The following BAIAP2L1 variants were observed in gnomAD, a reference collection of about 807,000 sequenced individuals.
The protein encoded by BAIAP2L1 is BAR/IMD domain-containing adapter protein 2-like 1.
A neutral mutation model predicts 66.3 loss-of-function variants in BAIAP2L1; 35 were observed. The observed-to-expected ratio is 0.53, with a 90% confidence interval of 0.40 to 0.70. BAIAP2L1 has a LOEUF of 0.70. Ranked by LOEUF, BAIAP2L1 falls within the 30% of genes least tolerant of loss-of-function variation. The probability of loss-of-function intolerance (pLI) is 0.00; values close to 1 mark genes in which losing one functional copy is unlikely to be tolerated. For synonymous variants in BAIAP2L1, 269 were observed against 248.7 expected (o/e 1.08, Z -0.77); for missense variants, 622 against 656.9 (o/e 0.95, Z 0.58).
chr7:98,391,304 T>C (rs984650870), intron 1 of BAIAP2L1, among the ~76,000 whole-genome samples: 3 of 152,182 alleles, frequency 2.0e-5, no homozygotes, highest in Non-Finnish European at 4.4e-5. Flanking sequence ...TATTTTTTCT[T>C]CTATTTTTTA....
At chr7:98,399,804 C>G (rs1004277300) in intron 1 of BAIAP2L1, among the ~76,000 whole-genome samples, 4 of 152,130 alleles carry the variant, frequency 2.6e-5, no homozygotes, top group African/African-American at 7.2e-5. Context: ...GTTAAGAGAC[C>G]GGCTATCAAC....
chr7:98,385,568 T>C (rs1021959410), intron 1 of BAIAP2L1, among the ~76,000 whole-genome samples: 2 of 151,586 alleles, frequency 1.3e-5, no homozygotes, highest in Non-Finnish European at 2.9e-5. Context: ...CACGCCCCCA[T>C]GCCCAGTTAA....
intron 3 of BAIAP2L1, among the ~76,000 whole-genome samples, chr7:98,328,898 G>A (rs527839778): frequency 3.3e-5 from 5 of 152,128 alleles, no homozygotes; most frequent in East Asian, 3.9e-4. Context: ...CCCCAGTCCC[G>A]GAGTCCTCAA....
rs924542491 is a variant in BAIAP2L1, at chr7:98,388,905, T to C, written c.51+11897A>G. On this transcript the variant is annotated intron_variant, in intron 1 of 13. Coordinates refer to ENST00000005260, the MANE Select transcript of BAIAP2L1 (RefSeq NM_018842.5). ...AGGAGGAACGCTTTAGCCTGGGACG[T>C]TGAGGCTGCAGTGAGCCATGATCAC... 3.3e-5 allele frequency among the ~76,000 whole-genome samples: 5 copies of C among 151,894 alleles called. No homozygotes were observed. The East Asian group carries it at 7.8e-4, about 24-fold the overall frequency.
At chr7:98,369,773 G>A (rs754997581) in intron 1 of BAIAP2L1, among the ~76,000 whole-genome samples, 17 of 145,058 alleles carry the variant, frequency 1.2e-4, no homozygotes, top group Admixed American at 2.9e-4. Flanking sequence ...CTGGGTTCAC[G>A]CAACTCTTGT....
Position 98,393,116 on chromosome 7 carries a change from C to CGT in BAIAP2L1, c.51+7685_51+7686insAC, listed in dbSNP as rs1562795936. ...ATATATACGTGTACATATATGTACACATATATGTATATATACACACATATG... is the reference window on the plus strand; with the variant it reads ...ATATATACGTGTACATATATGTACACGTATATATGTATATATACACACATATG... On this transcript the variant is annotated intron_variant, in intron 1 of 13. Transcript: ENST00000005260. Among the ~76,000 whole-genome samples, 2 of 116,622 alleles carry CGT rather than the reference C, an allele frequency of 1.7e-5. 1 individual carries two copies. Among genetic ancestry groups the CGT allele is most frequent in the South Asian group, 7.0e-4 (2 of 2,872 alleles). 76.5% of individuals were successfully genotyped at this position (116,622 alleles called of 152,430 possible).
Position 98,372,408 on chromosome 7 carries a change from A to AAAAAC in BAIAP2L1, c.52-9981_52-9977dup, listed in dbSNP as rs1053359984. ...GTGACAGAACGAAACTCAGTCTCAA[A>AAAAAC]AAAACAAAACAAAACAAAAATTCTC... On this transcript the variant is annotated intron_variant, in intron 1 of 13. Coordinates refer to ENST00000005260, the MANE Select transcript of BAIAP2L1 (RefSeq NM_018842.5). Among the ~76,000 whole-genome samples, 284 of 152,218 alleles carry AAAAAC rather than the reference A, an allele frequency of 1.9e-3. 2 individuals carry two copies. Among genetic ancestry groups the AAAAAC allele is most frequent in the African/African-American group, 6.2e-3 (259 of 41,550 alleles).
At chr7:98,339,073 T>TA (rs34884828) in intron 3 of BAIAP2L1, among the ~76,000 whole-genome samples, 12,800 of 126,660 alleles carry the variant, frequency 0.1, 662 homozygotes, top group South Asian at 0.16. Context: ...ACTCTGTCTT[T>TA]AAAAAAAAAA....
intron 9 of BAIAP2L1, 77 bp downstream of exon 9, chr7:98,310,368 A>G (rs1800821664): frequency 1.3e-6 from 2 of 1,487,558 alleles, no homozygotes; most frequent in Admixed American, 4.6e-5. Flanking sequence ...ATACATTTAT[A>G]CAAAATATTT....
chr7:98,339,707 G>T (rs1801695290), intron 3 of BAIAP2L1, among the ~76,000 whole-genome samples: 1 of 152,232 alleles, frequency 6.6e-6, no homozygotes, highest in Non-Finnish European at 1.5e-5. Context: ...GACCGCAGCA[G>T]CTCTTTCTTG....
At chr7:98,315,641 A>AATAATAATAATT in intron 6 of BAIAP2L1, 29 bp from the exon 7 acceptor site, 1 of 1,055,664 alleles carries the variant, frequency 9.5e-7, no homozygotes, top group Non-Finnish European at 1.2e-6. Context: ...TAATAATAAT[A>AATAATAATAATT]ATTATATAAG....
intron 1 of BAIAP2L1, among the ~76,000 whole-genome samples, chr7:98,391,727 A>T (rs917621818): frequency 6.8e-6 from 1 of 146,518 alleles, no homozygotes; most frequent in African/African-American, 2.5e-5. Flanking sequence ...AAAAAAAAAA[A>T]ATCTAAAACT....
rs1003865568 is a variant in BAIAP2L1 at position 98,317,324 on chromosome 7, C to A, written c.381G>T (p.Lys127Asn). Residue 127 changes from lysine to asparagine, a missense_variant, in exon 6 of 14, where the codon AAG (lysine) becomes AAT (asparagine). By Grantham distance (94) the Lys-to-Asn change is moderately conservative (BLOSUM62 0). Transcript: ENST00000005260. The stretch of plus-strand genomic sequence containing the variant: ...ATTTCTCCAAAGACTCTAATTTATT[C>A]TTGTGTTCTGTTTGGTATCTTTTTA... ...ATLKRYQTEH[K>N]NKLESLEKSQ... The A allele has an allele frequency of 6.2e-7, 1 of 1,614,046 alleles. No individual in the cohort carries two copies.
intron 3 of BAIAP2L1, among the ~76,000 whole-genome samples, chr7:98,326,262 G>C (rs1293915421): frequency 6.6e-6 from 1 of 152,206 alleles, no homozygotes; most frequent in African/African-American, 2.4e-5. Flanking sequence ...GGGCAACAGA[G>C]CAAGGCACAG....
intron 3 of BAIAP2L1, among the ~76,000 whole-genome samples, chr7:98,347,328 T>C (rs562869045): frequency 3.3e-5 from 5 of 152,306 alleles, no homozygotes; most frequent in African/African-American, 1.2e-4. Context: ...AGTGAGTGCG[T>C]TTTTAACAAA....
intron 9 of BAIAP2L1, chr7:98,309,197 C>A (rs1214807653): frequency 6.6e-6 from 1 of 152,280 alleles, no homozygotes; most frequent in Non-Finnish European, 1.5e-5. Context: ...GTCGCCCAGG[C>A]TGGAGTGCAG....
intron 1 of BAIAP2L1, among the ~76,000 whole-genome samples, chr7:98,366,510 ACT>A (rs1802392739): frequency 6.6e-6 from 1 of 151,674 alleles, no homozygotes; most frequent in African/African-American, 2.4e-5. Context: ...GTCACTGAGC[ACT>A]CTCTGTCCAT....
rs150368857 is a variant in BAIAP2L1 at position 98,312,346 on chromosome 7, A to G, written c.640-82T>C. The G allele has an allele frequency of 5.7e-5, 82 of 1,430,022 alleles. No homozygotes were observed. The African/African-American group carries it at 1.1e-3, about 19-fold the overall frequency. The allele number at this position is 1,430,022 out of a possible 1,614,324, so 88.6% of individuals were successfully genotyped here. On this transcript the variant is annotated intron_variant, in intron 7 of 13. Transcript: ENST00000005260. ...AAAATGACATCACGTCATATCGCTG[A>G]TAACAGATTACTGGCTTAGCACCAG...
At chr7:98,317,134 T>C (rs1801098605) in intron 6 of BAIAP2L1, 85 bp downstream of exon 6, 21 of 1,559,534 alleles carry the variant, frequency 1.3e-5, no homozygotes, top group Non-Finnish European at 1.8e-5. Context: ...ATTACAGGCG[T>C]GAGCCACCGC....
Sources: gnomAD v4.1 joint callset for allele counts (sites outside exome capture counted in the v4.1 genomes callset) on GRCh38, gnomAD v4.1.1 for gene constraint, MANE v1.5 for transcripts, NCBI Gene and HGNC (gene_info 2026-07-23, HGNC 2026-07-21) for gene names.